RBPJ: variants seen among roughly 807,000 people sequenced by gnomAD.
RBPJ encodes recombination signal binding protein for immunoglobulin kappa J region.
Under a neutral mutation model 67.8 loss-of-function variants are expected in RBPJ, and 9 were observed. The observed-to-expected ratio is 0.13, with a 90% CI of 0.08 to 0.23. The LOEUF (loss-of-function observed/expected upper bound fraction) is 0.23, where lower values mean the gene tolerates loss of function less well. RBPJ is among the 10% of genes least tolerant of loss of function. RBPJ has a pLI of 1.00. For synonymous variants in RBPJ, 198 were observed against 203.3 expected, an observed-to-expected ratio of 0.97 and a Z score of 0.22; for missense variants, 305 against 595.6, an observed-to-expected ratio of 0.51 and a Z score of 5.08.
chr4:26,146,562 T>C, the RBPJ span, among the ~76,000 whole-genome samples: 64 of 152,220 alleles, frequency 4.2e-4, no homozygotes, highest in African/African-American at 1.5e-3. Context: ...TCAAACATTT[T>C]TGTGCTTCAC....
intron 2 of RBPJ, among the ~76,000 whole-genome samples, chr4:26,400,915 A>G (rs1049875851): frequency 2.6e-5 from 4 of 152,216 alleles, no homozygotes; most frequent in African/African-American, 4.8e-5. Context: ...CAGTGGGAAG[A>G]TGGATAGTTG....
chr4:26,229,243 G>C (rs1036266039), intron 1 of RBPJ, among the ~76,000 whole-genome samples: 1 of 152,148 alleles, frequency 6.6e-6, no homozygotes, highest in African/African-American at 2.4e-5. Context: ...TTTGTGAAGG[G>C]CCAATCACCT....
At chr4:26,265,897 C>G (rs1028679979) in intron 1 of RBPJ, among the ~76,000 whole-genome samples, 1 of 152,070 alleles carries the variant, frequency 6.6e-6, no homozygotes, top group Non-Finnish European at 1.5e-5. Flanking sequence ...ATTAGCCGGG[C>G]CTGGTGGCAC....
intron 1 of RBPJ, among the ~76,000 whole-genome samples, chr4:26,230,669 G>T (rs1466500951): frequency 6.6e-6 from 1 of 152,160 alleles, no homozygotes; most frequent in African/African-American, 2.4e-5. Context: ...GTTTCATTAA[G>T]TGATCTTTAT....
intron 1 of RBPJ, among the ~76,000 whole-genome samples, chr4:26,270,920 G>A (rs535581235): frequency 4.6e-5 from 7 of 151,396 alleles, no homozygotes; most frequent in South Asian, 4.2e-4. Context: ...AGTCACCCAC[G>A]GTCAACCATG....
chr4:26,214,280 G>GAGAAA (rs56245729), intron 1 of RBPJ, among the ~76,000 whole-genome samples: 1 of 143,556 alleles, frequency 7.0e-6, no homozygotes, highest in Non-Finnish European at 1.5e-5. Flanking sequence ...GAAAGAGAAA[G>GAGAAA]GAGGAAGGAA....
chr4:26,216,782 G>A (rs202208349), intron 1 of RBPJ, among the ~76,000 whole-genome samples: 1 of 152,104 alleles, frequency 6.6e-6, no homozygotes, highest in East Asian at 1.9e-4. Flanking sequence ...AAAATTAGCT[G>A]GGTGTGGTGG....
At chr4:26,184,626 G>A (rs1717161017) in intron 1 of RBPJ, among the ~76,000 whole-genome samples, 1 of 152,112 alleles carries the variant, frequency 6.6e-6, no homozygotes. Flanking sequence ...ACTCAGGGGA[G>A]GCTGAGTCAA....
chr4:26,121,186 G>A, the RBPJ span, among the ~76,000 whole-genome samples: 45 of 152,020 alleles, frequency 3.0e-4, no homozygotes, highest in Non-Finnish European at 5.7e-4. Flanking sequence ...AAGCTCCCTG[G>A]GCAGAAGCAA....
intron 1 of RBPJ, among the ~76,000 whole-genome samples, chr4:26,223,267 G>A (rs1262227272): frequency 1.3e-5 from 2 of 152,134 alleles, no homozygotes; most frequent in Non-Finnish European, 2.9e-5. Flanking sequence ...TGTGGGTTGT[G>A]CACTGAGGGA....
chr4:26,390,774 G>T (rs1731416793), intron 2 of RBPJ, among the ~76,000 whole-genome samples: 1 of 152,190 alleles, frequency 6.6e-6, no homozygotes, highest in Non-Finnish European at 1.5e-5. Flanking sequence ...GTTGAAATGG[G>T]CTGGGTGTGA....
At chr4:26,321,307 A>G (rs28613142) in intron 1 of RBPJ, 1 of 147,540 alleles carries the variant, frequency 6.8e-6, no homozygotes, top group African/African-American at 2.4e-5. Flanking sequence ...TGAGTGCGGC[A>G]GGGCGCGCGG....
At chr4:26,293,788 C>T (rs531752225) in intron 1 of RBPJ, among the ~76,000 whole-genome samples, 3 of 152,290 alleles carry the variant, frequency 2.0e-5, no homozygotes, top group South Asian at 4.1e-4. Context: ...GATGGAGTCT[C>T]GATTTGTCAC....
At chr4:26,354,153 G>A (rs910822688) in intron 1 of RBPJ, among the ~76,000 whole-genome samples, 1 of 150,116 alleles carries the variant, frequency 6.7e-6, no homozygotes, top group African/African-American at 2.5e-5. Context: ...GGATGGTCTC[G>A]ATCTCCTGAC....
chr4:26,324,640 G>A (rs1459564645), intron 1 of RBPJ, among the ~76,000 whole-genome samples: 1 of 151,954 alleles, frequency 6.6e-6, no homozygotes, highest in Non-Finnish European at 1.5e-5. Context: ...AGCGATCCTC[G>A]TGCCTTAGCC....
chr4:26,218,762 GA>G (rs1018001598), intron 1 of RBPJ, among the ~76,000 whole-genome samples: 1 of 151,954 alleles, frequency 6.6e-6, no homozygotes, highest in Non-Finnish European at 1.5e-5. Context: ...ATCATGGCAG[GA>G]AAATAAGCCG....
chr4:26,311,622 A>C (rs1722430112), intron 1 of RBPJ, among the ~76,000 whole-genome samples: 1 of 152,094 alleles, frequency 6.6e-6, no homozygotes, highest in African/African-American at 2.4e-5. Context: ...GCTGCTTCAC[A>C]TGCCTTTGGA....
At chr4:26,214,351 GAGAA>G (rs1718543820) in intron 1 of RBPJ, among the ~76,000 whole-genome samples, 1 of 112,566 alleles carries the variant, frequency 8.9e-6, no homozygotes, top group African/African-American at 3.4e-5. Context: ...AGAAAAGGAA[GAGAA>G]AGGAGGAAGG....
chr4:26,291,876 C>T (rs771471687), intron 1 of RBPJ, among the ~76,000 whole-genome samples: 2 of 150,736 alleles, frequency 1.3e-5, no homozygotes, highest in Non-Finnish European at 3.0e-5. Context: ...GCGTCCAGCC[C>T]TTCAGTTTGT....
Sources: allele counts gnomAD v4.1 joint callset (sites outside exome capture counted in the v4.1 genomes callset), GRCh38; gene constraint gnomAD v4.1.1; transcripts MANE v1.5; gene names NCBI Gene and HGNC (gene_info 2026-07-23, HGNC 2026-07-21).